NYAP2: variants seen among roughly 807,000 people sequenced by gnomAD.
The protein encoded by NYAP2 is neuronal tyrosine-phosphorylated phosphoinositide-3-kinase adaptor 2.
In NYAP2, 23 loss-of-function variants were observed where a neutral mutation model predicts 50.4. The observed-to-expected ratio is 0.46, with a 90% CI of 0.33 to 0.65. The LOEUF is 0.65. Ranked by LOEUF, NYAP2 falls within the 30% of genes least tolerant of loss-of-function variation. NYAP2 has a pLI of 0.02. For synonymous variants in NYAP2, 394 were observed against 365.2 expected, an observed-to-expected ratio of 1.08 and a Z score of -0.90; for missense variants, 885 against 861.0, an observed-to-expected ratio of 1.03 and a Z score of -0.35.
chr2:225,640,579 C>A (rs1227364648), intron 6 of NYAP2, among the ~76,000 whole-genome samples: 1 of 152,172 alleles, frequency 6.6e-6, no homozygotes, highest in Admixed American at 6.5e-5. Context: ...TCGTCAAACC[C>A]TTTGTGTTCT....
intron 4 of NYAP2, among the ~76,000 whole-genome samples, chr2:225,548,988 C>A (rs1245229783): frequency 6.6e-6 from 1 of 151,846 alleles, no homozygotes; most frequent in African/African-American, 2.4e-5. Flanking sequence ...TCAAGCGATC[C>A]TCCTGCCTCA....
the NYAP2 span, among the ~76,000 whole-genome samples, chr2:225,676,935 C>T: frequency 2.6e-5 from 4 of 152,094 alleles, no homozygotes; most frequent in Non-Finnish European, 4.4e-5. Context: ...TTTTATAATT[C>T]TGTGACAAAT....
At chr2:225,640,505 G>A (rs1693509365) in intron 6 of NYAP2, among the ~76,000 whole-genome samples, 1 of 152,172 alleles carries the variant, frequency 6.6e-6, no homozygotes, top group South Asian at 2.1e-4. Context: ...CAGCAAGGGA[G>A]CCTTAGTGCC....
chr2:225,694,989 A>G, the NYAP2 span, among the ~76,000 whole-genome samples: 1 of 151,898 alleles, frequency 6.6e-6, no homozygotes, highest in African/African-American at 2.4e-5. Context: ...AGACCATTCT[A>G]TCAATCAAGT....
chr2:225,604,517 A>G (rs527395023), intron 5 of NYAP2, among the ~76,000 whole-genome samples: 1 of 152,256 alleles, frequency 6.6e-6, no homozygotes, highest in East Asian at 1.9e-4. Context: ...ACGATCTGAA[A>G]CAGAGCTCCA....
At chr2:225,500,636 A>G (rs1690588615) in intron 3 of NYAP2, among the ~76,000 whole-genome samples, 3 of 152,216 alleles carry the variant, frequency 2.0e-5, no homozygotes, top group Admixed American at 2.0e-4. Context: ...TTAAGACACT[A>G]TTATCAGAAG....
chr2:225,534,456 A>C (rs891668109), intron 4 of NYAP2, among the ~76,000 whole-genome samples: 13 of 152,328 alleles, frequency 8.5e-5, no homozygotes, highest in African/African-American at 3.1e-4. Context: ...GCAAAAGTGA[A>C]ATAGATGTTT....
rs1247366149 is a variant in NYAP2 at position 225,619,467 on chromosome 2, T to C, written c.1619-7450T>C. ...GGTGAGGATTTATAAGAATCTTCAG[T>C]ACTCGTTTGTTACTGAGTGAATCAA... On this transcript the variant is annotated intron_variant, in intron 5 of 6. Coordinates refer to ENST00000636099, the Ensembl canonical transcript of NYAP2. Among the ~76,000 whole-genome samples the C allele has an allele frequency of 2.0e-5, 3 of 152,226 alleles. No homozygotes were observed. In the East Asian group the frequency reaches 5.8e-4, roughly 29 times the overall value.
the NYAP2 span, among the ~76,000 whole-genome samples, chr2:225,692,595 C>T: frequency 6.6e-6 from 1 of 151,648 alleles, no homozygotes; most frequent in African/African-American, 2.4e-5. Flanking sequence ...TATATATATA[C>T]ACACACACAG....
At position 225,617,276 on chromosome 2, in the gene NYAP2, T is replaced by G. The variant is rs1693005349; in HGVS notation, c.1619-9641T>G. On this transcript the variant is annotated intron_variant, in intron 5 of 6. Coordinates refer to ENST00000636099, the Ensembl canonical transcript of NYAP2. Reference sequence around the variant, plus strand: ...ACCCCATCTCTACTAAAAAAATAAATTAAAAAGCTGGGTGTGGAGGTGGGC... The same window carrying G: ...ACCCCATCTCTACTAAAAAAATAAAGTAAAAAGCTGGGTGTGGAGGTGGGC... 2.6e-5 allele frequency among the ~76,000 whole-genome samples: 4 copies of G among 151,714 alleles called. No individual in the cohort carries two copies. The South Asian group carries it at 6.2e-4, about 24-fold the overall frequency.
At chr2:225,440,183 T>A (rs1231415552) in intron 3 of NYAP2, among the ~76,000 whole-genome samples, 1 of 152,220 alleles carries the variant, frequency 6.6e-6, no homozygotes, top group East Asian at 1.9e-4. Flanking sequence ...GCCATTTTTT[T>A]ACATGAGGCT....
At chr2:225,561,875 G>GAA (rs1691882416) in intron 4 of NYAP2, among the ~76,000 whole-genome samples, 1 of 151,914 alleles carries the variant, frequency 6.6e-6, no homozygotes, top group Non-Finnish European at 1.5e-5. Flanking sequence ...TGGGGTCCTG[G>GAA]AATTAGGGGC....
At chr2:225,673,156 C>T in the NYAP2 span, among the ~76,000 whole-genome samples, 1 of 151,950 alleles carries the variant, frequency 6.6e-6, no homozygotes, top group Non-Finnish European at 1.5e-5. Context: ...AGAAACTCCC[C>T]CTTATGGAAC....
In NYAP2 at chr2:225,402,512, A is replaced by C. The variant is rs147368390; in HGVS notation, c.-18+1469A>C. On this transcript the variant is annotated intron_variant, in intron 2 of 6. Coordinates refer to ENST00000636099, the Ensembl canonical transcript of NYAP2. ...TAATGGAAATGTACAATCTCTTTACACCATGGGCAAACAGCACCATGACAA... is the reference window on the plus strand; with the variant it reads ...TAATGGAAATGTACAATCTCTTTACCCCATGGGCAAACAGCACCATGACAA... Among the ~76,000 whole-genome samples, 44 of 152,130 alleles carry C rather than the reference A, an allele frequency of 2.9e-4. No individual in the cohort carries two copies. In the East Asian group the frequency reaches 8.4e-3, roughly 29 times the overall value.
At chr2:225,678,225 A>G in the NYAP2 span, among the ~76,000 whole-genome samples, 4 of 152,008 alleles carry the variant, frequency 2.6e-5, no homozygotes, top group African/African-American at 9.7e-5. Flanking sequence ...ATAGTCTCTG[A>G]GGATCTTTTG....
At chr2:225,616,411 T>C (rs1221376026) in intron 5 of NYAP2, among the ~76,000 whole-genome samples, 1 of 152,218 alleles carries the variant, frequency 6.6e-6, no homozygotes, top group Non-Finnish European at 1.5e-5. Context: ...GATGGAATAA[T>C]AGCAGTGCAA....
At chr2:225,629,386 A>G (rs1401052036) in intron 6 of NYAP2, among the ~76,000 whole-genome samples, 1 of 152,160 alleles carries the variant, frequency 6.6e-6, no homozygotes, top group Non-Finnish European at 1.5e-5. Context: ...TTCCAGAAAT[A>G]CCCTCACATA....
the NYAP2 span, among the ~76,000 whole-genome samples, chr2:225,673,194 A>G: frequency 1.3e-5 from 2 of 152,028 alleles, no homozygotes; most frequent in Non-Finnish European, 2.9e-5. Context: ...CTTACTTACT[A>G]TCATGAGAAC....
At chr2:225,571,666 AC>A (rs1692076366) in intron 4 of NYAP2, among the ~76,000 whole-genome samples, 1 of 152,008 alleles carries the variant, frequency 6.6e-6, no homozygotes, top group Non-Finnish European at 1.5e-5. Flanking sequence ...AGCCCATAAA[AC>A]CCTTTTTTCC....
Sources: allele counts gnomAD v4.1 joint callset (sites outside exome capture counted in the v4.1 genomes callset), GRCh38; gene constraint gnomAD v4.1.1; transcripts MANE v1.5; gene names NCBI Gene and HGNC (gene_info 2026-07-23, HGNC 2026-07-21).